The following DRD2 variants were observed in gnomAD, a reference collection of about 807,000 sequenced individuals.
DRD2 encodes dopamine receptor D2, also known as D(2) dopamine receptor.
Under a neutral mutation model 38.0 loss-of-function variants are expected in DRD2, and 8 were observed. The observed-to-expected ratio is 0.21, with a 90% CI of 0.12 to 0.38. The LOEUF (loss-of-function observed/expected upper bound fraction) is 0.38. DRD2 is among the 10% of genes least tolerant of loss of function. DRD2 has a pLI of 1.00. For synonymous variants in DRD2, 230 were observed against 238.6 expected, an observed-to-expected ratio of 0.96 and a Z score of 0.33; for missense variants, 403 against 607.7, an observed-to-expected ratio of 0.66 and a Z score of 3.54.
At chr11:113,436,477 CAGT>C (rs1951038547) in intron 1 of DRD2, among the ~76,000 whole-genome samples, 1 of 152,088 alleles carries the variant, frequency 6.6e-6, no homozygotes, top group Non-Finnish European at 1.5e-5. Context: ...AAAATCTAAA[CAGT>C]AGATTTTTTA....
At chr11:113,421,349 T>C (rs1179850190) in intron 2 of DRD2, among the ~76,000 whole-genome samples, 1 of 152,094 alleles carries the variant, frequency 6.6e-6, no homozygotes, top group Non-Finnish European at 1.5e-5. Flanking sequence ...CCTTAGCCCA[T>C]TGCACAAGGA....
intron 1 of DRD2, among the ~76,000 whole-genome samples, chr11:113,452,482 G>GCA (rs1565675389): frequency 2.0e-5 from 2 of 97,772 alleles, no homozygotes; most frequent in Non-Finnish European, 5.5e-5. Context: ...GCGCGCGCGC[G>GCA]CGCGCACATT....
chr11:113,436,693 A>G (rs1279644182), intron 1 of DRD2, among the ~76,000 whole-genome samples: 1 of 152,226 alleles, frequency 6.6e-6, no homozygotes, highest in Non-Finnish European at 1.5e-5. Context: ...AGATACATTG[A>G]GGTTCATGAC....
intron 1 of DRD2, among the ~76,000 whole-genome samples, chr11:113,467,094 T>C (rs1157656716): frequency 1.3e-5 from 2 of 152,096 alleles, no homozygotes; most frequent in African/African-American, 2.4e-5. Context: ...CCTGGGACCC[T>C]GGAAGTTAGT....
intron 1 of DRD2, among the ~76,000 whole-genome samples, chr11:113,437,989 C>A (rs111464869): frequency 0.015 from 2,212 of 152,270 alleles, 26 homozygotes; most frequent in Non-Finnish European, 0.024. Context: ...CTGCCTCTCC[C>A]AGTTGATGGA....
intron 1 of DRD2, among the ~76,000 whole-genome samples, chr11:113,425,497 A>G (rs1376727301): frequency 6.6e-6 from 1 of 152,184 alleles, no homozygotes; most frequent in Non-Finnish European, 1.5e-5. Context: ...GAGGGCCTTA[A>G]AAGTCATGCT....
intron 1 of DRD2, among the ~76,000 whole-genome samples, chr11:113,474,039 A>C (rs1449285673): frequency 6.6e-6 from 1 of 151,848 alleles, no homozygotes; most frequent in Non-Finnish European, 1.5e-5. Context: ...CTTGCACCTC[A>C]CTCCCTCACC....
Position 113,428,666 on chromosome 11 carries a change from C to A in DRD2, c.-31-3984G>T, listed in dbSNP as rs990335183. ...TAGAGACAGAATCCCACTTTGCCAC[C>A]CAGGCTGGAGTGCAGTGGCACAATC... On this transcript the variant is annotated intron_variant, in intron 1 of 7. Transcript: ENST00000362072. Among the ~76,000 whole-genome samples, 4 of 152,114 alleles carry A rather than the reference C, an allele frequency of 2.6e-5. No homozygotes were observed. In the East Asian group the frequency reaches 5.8e-4, roughly 22 times the overall value.
chr11:113,430,009 C>T (rs535903983), intron 1 of DRD2, among the ~76,000 whole-genome samples: 33 of 152,342 alleles, frequency 2.2e-4, no homozygotes, highest in South Asian at 1.0e-3. Context: ...CACAAGCCAA[C>T]GGCTCAGCAA....
At chr11:113,474,354 T>A (rs952737962) in intron 1 of DRD2, 2 of 152,094 alleles carry the variant, frequency 1.3e-5, no homozygotes, top group African/African-American at 4.8e-5. Context: ...TCTCGGTCCA[T>A]CATAGAGCCG....
intron 2 of DRD2, among the ~76,000 whole-genome samples, chr11:113,421,812 C>T (rs1397653304): frequency 1.3e-5 from 2 of 152,090 alleles, no homozygotes; most frequent in African/African-American, 4.8e-5. Context: ...CTAGGGACAA[C>T]AAATCGCTGA....
In DRD2 at chr11:113,416,928, A is replaced by G; in HGVS notation, c.467T>C (p.Ile156Thr). Reference protein sequence around the residue: ...YSSKRRVTVMISIVWVLSFTI... With the variant: ...YSSKRRVTVMTSIVWVLSFTI... Reference sequence around the variant, plus strand: ...GAAGGACAGGACCCAGACGATGGAGATCATGACGGTGACCCGGCGCTTGGA... The same window carrying G: ...GAAGGACAGGACCCAGACGATGGAGGTCATGACGGTGACCCGGCGCTTGGA... The change falls in exon 4 of 8, where the codon ATC (isoleucine) becomes ACC (threonine). Residue 156 changes from isoleucine (I) to threonine (T), a missense_variant. Physicochemically the swap from Ile to Thr is moderately conservative, Grantham distance 89. Transcript: ENST00000362072. 6.2e-7 allele frequency: 1 copy of G among 1,614,184 alleles called. No homozygotes were observed. Among genetic ancestry groups the G allele is most frequent in the Non-Finnish European group, 8.5e-7 (1 of 1,180,014 alleles).
rs1951063425 is a variant in DRD2, at chr11:113,439,078, T to C, written c.-31-14396A>G. On this transcript the variant is annotated intron_variant, in intron 1 of 7. Transcript: ENST00000362072. ...CTAAAGTCCCATAAAAATGTGAATG[T>C]AGTGTATTATTATCGTCTCACTCAG... 2.6e-5 allele frequency among the ~76,000 whole-genome samples: 4 copies of C among 152,216 alleles called. No individual in the cohort carries two copies. In the South Asian group the frequency reaches 8.3e-4, roughly 32 times the overall value.
intron 1 of DRD2, among the ~76,000 whole-genome samples, chr11:113,446,677 T>C (rs994570909): frequency 6.6e-6 from 1 of 152,252 alleles, no homozygotes; most frequent in Non-Finnish European, 1.5e-5. Context: ...AGTTTACCCA[T>C]GTTGCTGCTA....
chr11:113,442,666 CT>C (rs1048046584), intron 1 of DRD2, among the ~76,000 whole-genome samples: 2 of 152,204 alleles, frequency 1.3e-5, no homozygotes, highest in Admixed American at 6.5e-5. Flanking sequence ...ACAAATCTCT[CT>C]CCCTAAAGGT....
rs573022587 is a variant in DRD2, at chr11:113,415,649, G to C, written c.533-38C>G. On this transcript the variant is annotated intron_variant, in intron 4 of 7. Transcript: ENST00000362072. ...GAGCCCGGGCAGGCAGGGAGTCAGCGGGCCCACCGGCCATAATTCCACAAG... is the reference window on the plus strand; with the variant it reads ...GAGCCCGGGCAGGCAGGGAGTCAGCCGGCCCACCGGCCATAATTCCACAAG... 1.3e-5 allele frequency: 21 copies of C among 1,577,374 alleles called. No individual in the cohort carries two copies. In the African/African-American group the frequency reaches 2.2e-4, roughly 16 times the overall value.
At chr11:113,474,764 G>C (rs565621703) in intron 1 of DRD2, among the ~76,000 whole-genome samples, 2 of 152,060 alleles carry the variant, frequency 1.3e-5, no homozygotes, top group South Asian at 4.2e-4. Context: ...CGGCTCCGCC[G>C]TGCTGCCCTG....
At chr11:113,443,033 C>T (rs962089950) in intron 1 of DRD2, among the ~76,000 whole-genome samples, 1 of 152,140 alleles carries the variant, frequency 6.6e-6, no homozygotes, top group Non-Finnish European at 1.5e-5. Context: ...CCTTCACGAC[C>T]AATGCTGATG....
intron 1 of DRD2, among the ~76,000 whole-genome samples, chr11:113,452,736 C>T (rs1354461230): frequency 6.6e-6 from 1 of 151,438 alleles, no homozygotes; most frequent in Non-Finnish European, 1.5e-5. Flanking sequence ...CTACCTCCTC[C>T]TCCTGGGTTC....
Sources: gnomAD v4.1 joint callset for allele counts (sites outside exome capture counted in the v4.1 genomes callset) on GRCh38, gnomAD v4.1.1 for gene constraint, MANE v1.5 for transcripts, NCBI Gene and HGNC (gene_info 2026-07-23, HGNC 2026-07-21) for gene names.